The following CCDC60 variants were observed in gnomAD, a reference collection of about 807,000 sequenced individuals.
CCDC60 encodes the protein coiled-coil domain containing 60.
Under a neutral mutation model 63.5 loss-of-function variants are expected in CCDC60, and 54 were observed. The observed-to-expected ratio is 0.85, with a 90% CI of 0.68 to 1.07. The LOEUF is 1.07. CCDC60 is among the 50% of genes least tolerant of loss of function. The pLI is 0.00. For missense variants in CCDC60, 651 were observed against 684.3 expected (o/e 0.95, Z 0.54); for synonymous variants, 206 against 238.8 (o/e 0.86, Z 1.27).
Position 119,516,691 on chromosome 12 carries a change from C to T in CCDC60, c.952C>T (p.Gln318Ter). 6.2e-7 allele frequency: 1 copy of T among 1,612,414 alleles called. No homozygotes were observed. Among genetic ancestry groups the T allele is most frequent in the Non-Finnish European group, 8.5e-7 (1 of 1,178,586 alleles). Residue 318 changes from glutamine to a stop codon, truncating the protein, a stop_gained, in exon 8 of 14, where the codon CAA becomes TAA. Transcript: ENST00000327554. LOFTEE classifies it high-confidence loss of function. ...RRTVTIENGMQRKAPSILSVL... is the reference protein window; with the variant it reads ...RRTVTIENGM ...GACAGTCACAATAGAAAATGGGATGCAAAGAAAAGCACCCAGGTATGTGCT... is the reference window on the plus strand; with the variant it reads ...GACAGTCACAATAGAAAATGGGATGTAAAGAAAAGCACCCAGGTATGTGCT...
chr12:119,391,830 G>C (rs906006879), intron 1 of CCDC60, among the ~76,000 whole-genome samples: 3 of 152,144 alleles, frequency 2.0e-5, no homozygotes, highest in Non-Finnish European at 4.4e-5. Context: ...AAAAATGCTT[G>C]GTCTGAAGTG....
At chr12:119,367,960 A>G (rs1216484531) in intron 1 of CCDC60, among the ~76,000 whole-genome samples, 1 of 151,726 alleles carries the variant, frequency 6.6e-6, no homozygotes, top group Admixed American at 6.6e-5. Context: ...ATGGTTGCAC[A>G]TATCTGTGAG....
At chr12:119,524,535 GC>G (rs1295168395) in intron 11 of CCDC60, 1 of 750,168 alleles carries the variant, frequency 1.3e-6, no homozygotes, top group African/African-American at 1.9e-5. Context: ...ACTAATCCTT[GC>G]CCTTTCCTTC....
intron 5 of CCDC60, among the ~76,000 whole-genome samples, chr12:119,489,733 C>T (rs567480292): frequency 3.3e-5 from 5 of 152,160 alleles, no homozygotes; most frequent in African/African-American, 9.6e-5. Context: ...CCCCACCCCC[C>T]GTGCTAACCC....
At chr12:119,449,783 G>C (rs527421705) in intron 2 of CCDC60, among the ~76,000 whole-genome samples, 2 of 152,168 alleles carry the variant, frequency 1.3e-5, no homozygotes, top group African/African-American at 4.8e-5. Flanking sequence ...GAGACCAGGG[G>C]TGTCTAACCT....
chr12:119,398,250 G>A (rs983692291), intron 1 of CCDC60, among the ~76,000 whole-genome samples: 2 of 151,776 alleles, frequency 1.3e-5, no homozygotes, highest in Admixed American at 6.6e-5. Context: ...CAGTGCTGGG[G>A]GACCCGGCGC....
At chr12:119,500,263 T>C (rs1951818744) in intron 6 of CCDC60, 95 bp downstream of exon 6, 1 of 839,354 alleles carries the variant, frequency 1.2e-6, no homozygotes, top group Non-Finnish European at 1.9e-6. Flanking sequence ...GGGAATTTTT[T>C]TTTCCTAGTT....
intron 7 of CCDC60, among the ~76,000 whole-genome samples, chr12:119,506,068 T>C (rs1951991509): frequency 6.6e-6 from 1 of 152,212 alleles, no homozygotes; most frequent in Non-Finnish European, 1.5e-5. Flanking sequence ...CAGTGATTTT[T>C]AGTAAACTTG....
intron 2 of CCDC60, among the ~76,000 whole-genome samples, chr12:119,463,495 T>C (rs1233322622): frequency 3.3e-5 from 5 of 152,210 alleles, no homozygotes; most frequent in South Asian, 4.1e-4. Context: ...TTTCCTTATC[T>C]TCAAATGGAA....
chr12:119,480,955 A>G (rs1375673663), intron 4 of CCDC60, among the ~76,000 whole-genome samples: 1 of 150,530 alleles, frequency 6.6e-6, no homozygotes, highest in Non-Finnish European at 1.5e-5. Flanking sequence ...CATCATCACC[A>G]TCATCACCAT....
chr12:119,357,703 T>G (rs2136160682), intron 1 of CCDC60, among the ~76,000 whole-genome samples: 1 of 152,230 alleles, frequency 6.6e-6, no homozygotes, highest in Non-Finnish European at 1.5e-5. Context: ...ATCCACCCAC[T>G]TCGGCCTCCC....
chr12:119,352,093 G>A (rs1592983561), intron 1 of CCDC60, among the ~76,000 whole-genome samples: 1 of 152,218 alleles, frequency 6.6e-6, no homozygotes, highest in East Asian at 1.9e-4. Flanking sequence ...GGGCAAAGGG[G>A]AAGCAAGCAC....
At chr12:119,538,205 G>A (rs1406435071) in intron 13 of CCDC60, among the ~76,000 whole-genome samples, 2 of 152,248 alleles carry the variant, frequency 1.3e-5, no homozygotes. Flanking sequence ...AATGCTCCAT[G>A]GGCATGGGAC....
At chr12:119,477,193 C>G (rs549507961) in intron 3 of CCDC60, among the ~76,000 whole-genome samples, 1 of 152,278 alleles carries the variant, frequency 6.6e-6, no homozygotes, top group East Asian at 1.9e-4. Context: ...AGTGAGCATC[C>G]CAGGACACAG....
rs1197027115 is a variant in CCDC60, at chr12:119,493,298, C to A, written c.557+4432C>A. 2.6e-5 allele frequency among the ~76,000 whole-genome samples: 4 copies of A among 152,128 alleles called. 1 individual carries two copies. The East Asian group carries it at 7.7e-4, about 29-fold the overall frequency. On this transcript the variant is annotated intron_variant, in intron 5 of 13. Transcript: ENST00000327554. ...AATGACAGCTGTAGACCCAATCCCT[C>A]CCCCTTATGGATTTTATAGGAAGAA...
intron 1 of CCDC60, among the ~76,000 whole-genome samples, chr12:119,362,005 A>G (rs1193615286): frequency 6.6e-6 from 1 of 152,226 alleles, no homozygotes; most frequent in African/African-American, 2.4e-5. Flanking sequence ...AATGAGGTGC[A>G]TCATCAGTTA....
intron 2 of CCDC60, among the ~76,000 whole-genome samples, chr12:119,463,639 C>T (rs188338176): frequency 5.7e-4 from 87 of 152,330 alleles, no homozygotes; most frequent in African/African-American, 1.4e-3. Flanking sequence ...ACCGCAGACG[C>T]GAAATCCCAA....
chr12:119,345,159 G>T (rs1196623416), intron 1 of CCDC60, among the ~76,000 whole-genome samples: 4 of 152,078 alleles, frequency 2.6e-5, no homozygotes, highest in African/African-American at 9.7e-5. Context: ...TCTTTCTAGT[G>T]CTCTCTTGTC....
rs145395309 is a variant in CCDC60, at chr12:119,358,452, A to G, written c.90+23186A>G. Among the ~76,000 whole-genome samples the G allele has an allele frequency of 8.7e-4, 133 of 152,144 alleles. 2 individuals carry two copies. Among genetic ancestry groups the G allele is most frequent in the African/African-American group, 3.0e-3 (126 of 41,506 alleles). ...CACAAGATGCCACGCCAGCCCCTCA[A>G]TCTTGGACTTCCCAGTCTCCATTTT... On this transcript the variant is annotated intron_variant, in intron 1 of 13. Transcript: ENST00000327554.
Sources: allele counts gnomAD v4.1 joint callset (sites outside exome capture counted in the v4.1 genomes callset), GRCh38; gene constraint gnomAD v4.1.1; transcripts MANE v1.5; gene names NCBI Gene and HGNC (gene_info 2026-07-23, HGNC 2026-07-21).